The following RGS20 variants were observed in gnomAD, a reference collection of about 807,000 sequenced individuals.
The protein encoded by RGS20 is regulator of G protein signaling 20, also known as gz-selective GTPase-activating protein.
A neutral mutation model predicts 33.6 loss-of-function variants in RGS20; 30 were observed. The ratio of observed to expected loss-of-function variants is 0.89; its 90% CI spans 0.67 to 1.21. The LOEUF (loss-of-function observed/expected upper bound fraction) is 1.21. Ranked by LOEUF, RGS20 falls within the 50% of genes most tolerant of loss-of-function variation. The probability of loss-of-function intolerance (pLI) is 0.00; values close to 1 mark genes in which losing one functional copy is unlikely to be tolerated. For missense variants in RGS20, 472 were observed against 502.4 expected, an observed-to-expected ratio of 0.94 and a Z score of 0.58; for synonymous variants, 208 against 197.9, an observed-to-expected ratio of 1.05 and a Z score of -0.43.
At chr8:53,895,414 C>A (rs900277760) in intron 2 of RGS20, among the ~76,000 whole-genome samples, 17 of 152,092 alleles carry the variant, frequency 1.1e-4, no homozygotes, top group Non-Finnish European at 2.4e-4. Context: ...TGATGTGCAG[C>A]CTGCTGTACT....
At chr8:53,923,270 G>T (rs902251639) in intron 2 of RGS20, among the ~76,000 whole-genome samples, 1 of 150,546 alleles carries the variant, frequency 6.6e-6, no homozygotes, top group African/African-American at 2.5e-5. Context: ...AAAGAAACAA[G>T]AGCAGAAATA....
At position 53,877,908 on chromosome 8, in the gene RGS20, C is replaced by A. The variant is rs1390530675; in HGVS notation, c.166-1350C>A. 6.6e-6 allele frequency among the ~76,000 whole-genome samples: 1 copy of A among 152,224 alleles called. No homozygotes were observed. The highest frequency in any genetic ancestry group is 1.5e-5 in the Non-Finnish European group (1 of 68,038). Reference sequence around the variant, plus strand: ...ACAATCGCTTCCCACAAGACTTCCACCGCCGAAAGAATACAGGCCGGGCCT... The same window carrying A: ...ACAATCGCTTCCCACAAGACTTCCAACGCCGAAAGAATACAGGCCGGGCCT... On this transcript the variant is annotated intron_variant, in intron 1 of 5. Coordinates refer to ENST00000297313, the MANE Select transcript of RGS20 (RefSeq NM_170587.4). The surrounding 1 kb of genome is among the most constrained non-coding windows in gnomAD (Gnocchi z 5.7).
At chr8:53,872,357 T>C (rs906105357) in intron 1 of RGS20, among the ~76,000 whole-genome samples, 3 of 152,160 alleles carry the variant, frequency 2.0e-5, no homozygotes, top group African/African-American at 7.2e-5. Context: ...CTCTCAATGA[T>C]TTCCCATTGC....
chr8:53,862,103 A>G (rs1161342184), intron 1 of RGS20, among the ~76,000 whole-genome samples: 1 of 152,056 alleles, frequency 6.6e-6, no homozygotes, highest in African/African-American at 2.4e-5. Context: ...ACCAAACTAG[A>G]AGTTAAGAGA....
At position 53,939,689 on chromosome 8, in the gene RGS20, C is replaced by T; in HGVS notation, c.624C>T (p.Cys208=). ...CGGGGAGTCGCGGGTCCAACGCATG[C>T]TGCTTCTGCTGGTGCTGCTGTTGTA... The change falls in exon 3 of 6, where the codon TGC becomes TGT. Residue 208 remains cysteine (C), a synonymous_variant. Coordinates refer to ENST00000297313, the MANE Select transcript of RGS20 (RefSeq NM_170587.4). 6.4e-7 allele frequency: 1 copy of T among 1,567,566 alleles called. No individual in the cohort carries two copies. The highest frequency in any genetic ancestry group is 1.2e-5 in the South Asian group (1 of 85,308).
At position 53,958,339 on chromosome 8, in the gene RGS20, G is replaced by A. The variant is rs771835856; in HGVS notation, c.1048G>A (p.Asp350Asn). 2.4e-5 allele frequency: 38 copies of A among 1,613,704 alleles called. No individual in the cohort carries two copies. Among genetic ancestry groups the A allele is most frequent in the Non-Finnish European group, 3.0e-5 (35 of 1,179,878 alleles). Residue 350 changes from aspartate (D) to asparagine (N), a missense_variant, in exon 6 of 6, where the codon GAT becomes AAT. Around this residue, in one of 3 missense-constraint regions of RGS20, gnomAD observed 125 missense variants for 169.5 expected, o/e 0.74. Transcript: ENST00000297313. The stretch of plus-strand genomic sequence containing the variant: ...GGTGGAGCCATCCCAACACATATTC[G>A]ATGATGCTCAACTTCAGATTTACAC...
intron 2 of RGS20, 28 bp from the exon 1 acceptor site, chr8:53,880,844 A>C (rs770242312): frequency 4.1e-5 from 54 of 1,331,072 alleles, no homozygotes; most frequent in East Asian, 1.7e-4. Context: ...CCGGCCGGGT[A>C]AAAGGAGTGA....
chr8:53,863,660 A>C (rs1464046449), intron 1 of RGS20, among the ~76,000 whole-genome samples: 1 of 152,098 alleles, frequency 6.6e-6, no homozygotes, highest in African/African-American at 2.4e-5. Context: ...AATGTCTTTG[A>C]AATGCCAAGA....
intron 2 of RGS20, among the ~76,000 whole-genome samples, chr8:53,915,314 G>A (rs1268046115): frequency 6.6e-6 from 1 of 152,106 alleles, no homozygotes; most frequent in Non-Finnish European, 1.5e-5. Flanking sequence ...TCCGAGCTCT[G>A]CTGCCTTGGA....
At chr8:53,939,782 T>C in intron 3 of RGS20, 58 bp downstream of exon 2, 1 of 1,488,516 alleles carries the variant, frequency 6.7e-7, no homozygotes, top group Non-Finnish European at 9.0e-7. Context: ...AATGTGCTCC[T>C]GACTGGGACG....
At chr8:53,894,081 A>G (rs956724948) in intron 2 of RGS20, among the ~76,000 whole-genome samples, 1 of 152,192 alleles carries the variant, frequency 6.6e-6, no homozygotes, top group Non-Finnish European at 1.5e-5. Flanking sequence ...CATATAGCTT[A>G]TATTTTCTTA....
In RGS20 at chr8:53,851,801, A is replaced by T; in HGVS notation, c.-99A>T. 1 of 1,295,514 alleles carries T rather than the reference A, an allele frequency of 7.7e-7. No individual in the cohort carries two copies. Among genetic ancestry groups the T allele is most frequent in the Non-Finnish European group, 1.1e-6 (1 of 938,654 alleles). The allele number at this position is 1,295,514 out of a possible 1,614,324, so 80.3% of individuals were successfully genotyped here. A position where few individuals can be genotyped will look rare whatever the true frequency, so the allele number is the denominator to read the frequency against. ...GAAGTCTCCCCACAGATTCAGAGCC[A>T]GCCCAGCATTAACCAAACAAAGAGA... is the stretch of plus-strand genomic sequence containing the variant. On this transcript the variant is annotated 5_prime_UTR_variant, in exon 1 of 6. Transcript: ENST00000297313.
intron 2 of RGS20, among the ~76,000 whole-genome samples, chr8:53,882,437 C>A (rs563529916): frequency 2.0e-5 from 3 of 152,126 alleles, no homozygotes; most frequent in Admixed American, 6.5e-5. Context: ...AGCTCGCGGA[C>A]AGGCGAGGGG....
chr8:53,947,251 T>TTATTTATACATGCTATATAAGATATAGCA (rs1563429159), intron 4 of RGS20, among the ~76,000 whole-genome samples: 29 of 138,210 alleles, frequency 2.1e-4, no homozygotes, highest in African/African-American at 8.1e-4. Flanking sequence ...TATAGCATAT[T>TTATTTATACATGCTATATAAGATATAGCA]TATTTATACA....
chr8:53,881,522 C>G (rs1436068190), intron 2 of RGS20, among the ~76,000 whole-genome samples: 2 of 152,058 alleles, frequency 1.3e-5, no homozygotes, highest in Non-Finnish European at 2.9e-5. Context: ...GTTGGGCGCC[C>G]GGGGCTGGTG....
rs34316630 is a variant in RGS20 at position 53,889,412 on chromosome 8, CTTTTT to C, written c.510+9845_510+9849del. 1.7e-3 allele frequency among the ~76,000 whole-genome samples: 72 copies of C among 41,860 alleles called. 6 individuals carry two copies. Among genetic ancestry groups the C allele is most frequent in the African/African-American group, 3.8e-3 (67 of 17,656 alleles). 27.5% of individuals were successfully genotyped at this position (41,860 alleles called of 152,430 possible). ...TCTTTCTTTCTTTCTCTCTCTCTCT[CTTTTT>C]TTTTTTTTTTTTTTTTTTTTTTTTT... On this transcript the variant is annotated intron_variant, in intron 2 of 5. Transcript: ENST00000297313.
chr8:53,923,314 G>A (rs866025997), intron 2 of RGS20, among the ~76,000 whole-genome samples: 2 of 152,128 alleles, frequency 1.3e-5, no homozygotes, highest in Admixed American at 1.3e-4. Context: ...AAAATATTAG[G>A]CCTGGCCTGG....
intron 3 of RGS20, among the ~76,000 whole-genome samples, chr8:53,943,996 TACACACACACAC>T (rs113461310): frequency 6.8e-6 from 1 of 146,268 alleles, no homozygotes; most frequent in Non-Finnish European, 1.5e-5. Flanking sequence ...AAAATAGAGC[TACACACACACAC>T]ACACACACAC....
chr8:53,950,516 G>T (rs1207791384), intron 4 of RGS20, among the ~76,000 whole-genome samples: 1 of 152,084 alleles, frequency 6.6e-6, no homozygotes, highest in Non-Finnish European at 1.5e-5. Context: ...TCAGATTTTG[G>T]AGCAATATGG....
Sources: allele counts gnomAD v4.1 joint callset (sites outside exome capture counted in the v4.1 genomes callset), GRCh38; gene constraint gnomAD v4.1.1; regional missense constraint gnomAD v4.1.1; non-coding constraint Gnocchi (gnomAD v3.1); transcripts MANE v1.5; gene names NCBI Gene and HGNC (gene_info 2026-07-23, HGNC 2026-07-21).